PLEC: variants seen among roughly 807,000 people sequenced by gnomAD.
PLEC encodes the protein hemidesmosomal protein 1.
Under a neutral mutation model 392.8 loss-of-function variants are expected in PLEC, and 216 were observed. That is an observed-to-expected ratio of 0.55 (90% confidence interval 0.49 to 0.62). PLEC has a LOEUF of 0.62. PLEC is among the 20% of genes least tolerant of loss of function. The pLI, the probability that PLEC is intolerant of heterozygous loss-of-function variation, is 0.00. For missense variants in PLEC, 6,863 were observed against 6,563.4 expected, an observed-to-expected ratio of 1.05 and a Z score of -1.58; for synonymous variants, 3,621 against 2,980.6, an observed-to-expected ratio of 1.21 and a Z score of -7.00.
chr8:143,925,851 C>A lies in PLEC; in HGVS notation c.4078G>T (p.Glu1360Ter). The A allele has an allele frequency of 6.5e-7, 1 of 1,550,332 alleles. No individual in the cohort carries two copies. The highest frequency in any genetic ancestry group is 1.9e-5 in the Admixed American group (1 of 53,168). The stretch of plus-strand genomic sequence containing the variant: ...GCGGCCTCCACCTCGGCCAGCCGCT[C>A]GCGCTCCTCTGCCCGCTGCTGCTCA... ...LAEQQRAEERERLAEVEAALE... is the reference protein window; with the variant it reads ...LAEQQRAEER The change falls in exon 31 of 32, where the codon GAG becomes TAG. Residue 1360 changes from glutamate (E) to a stop codon, truncating the protein, a stop_gained. Transcript: ENST00000345136. LOFTEE classifies it high-confidence loss of function.
chr8:143,975,391 G>T, upstream of PLEC: 1 of 1,601,128 alleles, frequency 6.2e-7, no homozygotes. This position sits in a 1 kb window ranked among gnomAD's most constrained non-coding sequence, Gnocchi z 9.9. Context: ...AGGGGAGCAG[G>T]AGGGGTCACA....
chr8:143,971,411 C>T (rs1159639991), intron 1 of PLEC, among the ~76,000 whole-genome samples: 2 of 152,136 alleles, frequency 1.3e-5, no homozygotes, highest in South Asian at 2.1e-4. Flanking sequence ...GCTGCCTTGC[C>T]GTCACTGGCT....
At position 143,934,424 on chromosome 8, in the gene PLEC, G is replaced by A. The variant is rs200260527; in HGVS notation, c.1063C>T (p.Leu355Phe). The A allele has an allele frequency of 1.8e-5, 29 of 1,611,500 alleles. No individual in the cohort carries two copies. The African/African-American group carries it at 3.7e-4, about 21-fold the overall frequency. ...GGGTGGTAGCCAGGGGGCACCTTGAGCTGGCCTGCTTGCACCGCTCCCTGT... is the reference window on the plus strand; with the variant it reads ...GGGTGGTAGCCAGGGGGCACCTTGAACTGGCCTGCTTGCACCGCTCCCTGT... Reference protein sequence around the residue: ...SLEGAVQAGQLKVPPGYHPLD... With the variant: ...SLEGAVQAGQFKVPPGYHPLD... The change falls in exon 11 of 32, where the codon CTC becomes TTC. Residue 355 changes from leucine to phenylalanine, a missense_variant. By Grantham distance (22) the Leu-to-Phe change is conservative (BLOSUM62 0). Coordinates refer to ENST00000345136, the MANE Select transcript of PLEC (RefSeq NM_201384.3).
At chr8:143,968,348 G>C (rs1833224430) in intron 1 of PLEC, among the ~76,000 whole-genome samples, 1 of 151,330 alleles carries the variant, frequency 6.6e-6, no homozygotes, top group South Asian at 2.1e-4. Flanking sequence ...CAGCACTGTG[G>C]AGGCTGAGGC....
chr8:143,936,040 A>G lies in PLEC; in HGVS notation c.436-26T>C, dbSNP rs782762422. ...CTGCTCACAGCAGAGAGGAGGCCACAGCTCAGCCACAGCCACCAGGCCTGC... is the reference window on the plus strand; with the variant it reads ...CTGCTCACAGCAGAGAGGAGGCCACGGCTCAGCCACAGCCACCAGGCCTGC... On this transcript the variant is annotated intron_variant, in intron 5 of 31. Transcript: ENST00000345136. 2.9e-5 allele frequency: 46 copies of G among 1,608,674 alleles called. No homozygotes were observed. In the East Asian group the frequency reaches 9.8e-4, roughly 34 times the overall value.
chr8:143,972,779 G>A (rs1180795313), intron 1 of PLEC, among the ~76,000 whole-genome samples: 2 of 152,224 alleles, frequency 1.3e-5, no homozygotes, highest in African/African-American at 4.8e-5. Flanking sequence ...GGGGCTCCCC[G>A]TGGGCGTGGA....
rs781960731 is a variant in PLEC at position 143,927,540 on chromosome 8, A to T, written c.3626T>A (p.Leu1209Gln). The change falls in exon 27 of 32, where the codon CTG becomes CAG. Residue 1209 changes from leucine (L) to glutamine (Q), a missense_variant. Coordinates refer to ENST00000345136, the MANE Select transcript of PLEC (RefSeq NM_201384.3). ...QRELEQLGRQ[L>Q]RYYRESADPL... ...GTCTGCACTCTCGCGGTAGTAACGC[A>T]GCTGGCGGCCCAGTTGCTCGAGCTC... The T allele has an allele frequency of 6.3e-7, 1 of 1,596,854 alleles. No homozygotes were observed. The highest frequency in any genetic ancestry group is 8.5e-7 in the Non-Finnish European group (1 of 1,178,758).
chr8:143,916,151 G>A lies in PLEC; in HGVS notation c.*26C>T. ...CGGTGGGAGCCGGGCTGGGCCGCATGCAGAGCGGGGTGGGCGCAGGCAGCC... is the reference window on the plus strand; with the variant it reads ...CGGTGGGAGCCGGGCTGGGCCGCATACAGAGCGGGGTGGGCGCAGGCAGCC... On this transcript the variant is annotated 3_prime_UTR_variant, in exon 32 of 32. Transcript: ENST00000345136. The A allele has an allele frequency of 6.6e-7, 1 of 1,504,404 alleles. No individual in the cohort carries two copies. The highest frequency in any genetic ancestry group is 8.9e-7 in the Non-Finnish European group (1 of 1,127,372). 93.2% of individuals were successfully genotyped at this position (1,504,404 alleles called of 1,614,324 possible).
chr8:143,946,152 C>G (rs781928384), intron 1 of PLEC, among the ~76,000 whole-genome samples: 7 of 152,220 alleles, frequency 4.6e-5, no homozygotes, highest in Non-Finnish European at 2.9e-5. Context: ...TACCACTCCA[C>G]GGAGGTCCGG....
Position 143,923,583 on chromosome 8 carries a change from G to T in PLEC, c.6346C>A (p.Arg2116=). ...TGCTCCTCTGCCGACTGCTTCAGCC[G>T]CTCGGCCTCTTCCACCTGCCGCCGG... The part of the protein sequence containing the change: ...QSRRQVEEAE[R]LKQSAEEQAQ... The change falls in exon 31 of 32, where the codon CGG becomes AGG. Residue 2116 remains arginine, a synonymous_variant. Coordinates refer to ENST00000345136, the MANE Select transcript of PLEC (RefSeq NM_201384.3). 2 of 1,595,212 alleles carry T rather than the reference G, an allele frequency of 1.3e-6. No individual in the cohort carries two copies. The highest frequency in any genetic ancestry group is 1.7e-6 in the Non-Finnish European group (2 of 1,177,552).
Position 143,962,723 on chromosome 8 carries a change from T to C in PLEC, c.70+10680A>G, listed in dbSNP as rs1423151397. 3.9e-5 allele frequency among the ~76,000 whole-genome samples: 6 copies of C among 152,354 alleles called. No homozygotes were observed. The East Asian group carries it at 9.6e-4, about 24-fold the overall frequency. On this transcript the variant is annotated intron_variant, in intron 1 of 31. Coordinates refer to the PLEC transcript ENST00000356346. Reference sequence around the variant, plus strand: ...CGAAACTTCGCCGAACTGTGTTCACTGTCGGGTGCTCAACAGAACTTGTAA... The same window carrying C: ...CGAAACTTCGCCGAACTGTGTTCACCGTCGGGTGCTCAACAGAACTTGTAA...
At position 143,929,538 on chromosome 8, in the gene PLEC, A is replaced by G. The variant is rs782509449; in HGVS notation, c.2957T>C (p.Ile986Thr). ...CAGCCGGATGTCTTTGAGCTCGGAG[A>G]TGCAGCGCTGGCAGCGAGACTCTTC... ...AQEESRCQRC[I>T]SELKDIRLQL... The change falls in exon 24 of 32, where the codon ATC becomes ACC. Residue 986 changes from isoleucine (I) to threonine (T), a missense_variant. Physicochemically the swap from Ile to Thr is moderately conservative, Grantham distance 89 (BLOSUM62 -1). Coordinates refer to ENST00000345136, the MANE Select transcript of PLEC (RefSeq NM_201384.3). The G allele has an allele frequency of 7.4e-6, 12 of 1,612,464 alleles. No homozygotes were observed. The highest frequency in any genetic ancestry group is 8.5e-6 in the Non-Finnish European group (10 of 1,179,896).
chr8:143,938,518 G>GTTT, intron 2 of PLEC, 113 bp downstream of exon 2: 1 of 1,554,092 alleles, frequency 6.4e-7, no homozygotes, highest in Middle Eastern at 1.7e-4. Flanking sequence ...TTTCAGAGAT[G>GTTT]AAAGGTGAGC....
intron 1 of PLEC, among the ~76,000 whole-genome samples, chr8:143,948,624 G>A (rs550153433): frequency 4.7e-4 from 71 of 152,230 alleles, no homozygotes; most frequent in Non-Finnish European, 8.4e-4. Flanking sequence ...GCTGCTGGCG[G>A]CTGTGGCTTT....
chr8:143,938,675 G>C lies in PLEC; in HGVS notation c.130C>G (p.Gln44Glu). Residue 44 changes from glutamine to glutamate, a missense_variant, in exon 2 of 32, where the codon CAG becomes GAG. Physicochemically the swap from Gln to Glu is conservative, Grantham distance 29 (BLOSUM62 2). Coordinates refer to ENST00000345136, the MANE Select transcript of PLEC (RefSeq NM_201384.3). ...EGKKDERDRV[Q>E]KKTFTKWVNK... is the part of the protein sequence containing the mutation. ...ACCCACTTGGTGAAGGTTTTCTTCT[G>C]CACACGATCCCGCTCATCTGGGGGA... The C allele has an allele frequency of 6.2e-7, 1 of 1,613,776 alleles. No homozygotes were observed. Among genetic ancestry groups the C allele is most frequent in the Non-Finnish European group, 8.5e-7 (1 of 1,179,926 alleles).
exon 1 of PLEC, chr8:143,950,283 G>C: frequency 6.4e-7 from 1 of 1,570,712 alleles, no homozygotes; most frequent in Non-Finnish European, 8.6e-7. Context: ...AGCTCCTTCC[G>C]ACGGTAGACC....
Position 143,924,703 on chromosome 8 carries a change from C to G in PLEC, c.5226G>C (p.Glu1742Asp). 1 of 1,534,566 alleles carries G rather than the reference C, an allele frequency of 6.5e-7. No homozygotes were observed. Among genetic ancestry groups the G allele is most frequent in the Non-Finnish European group, 8.7e-7 (1 of 1,146,154 alleles). ...LEEELARLQR[E>D]AAAATQKRQE... The stretch of plus-strand genomic sequence containing the variant: ...GCCGTTTCTGCGTGGCTGCAGCCGC[C>G]TCACGCTGCAGCCGGGCCAGCTCCT... The change falls in exon 31 of 32, where the codon GAG becomes GAC. Residue 1742 changes from glutamate to aspartate, a missense_variant. Transcript: ENST00000345136.
intron 10 of PLEC, 47 bp from the exon 11 acceptor site, chr8:143,934,492 G>T (rs1554720933): frequency 1.2e-6 from 2 of 1,607,744 alleles, no homozygotes; most frequent in South Asian, 2.2e-5. Context: ...GGGGCAGGGG[G>T]TGGGGCGCTG....
chr8:143,954,000 C>CT, upstream of PLEC: 1 of 1,109,662 alleles, frequency 9.0e-7, no homozygotes, highest in Middle Eastern at 3.2e-4. Flanking sequence ...TTCTGGGGCA[C>CT]GCGACCCCGC....
Sources: allele counts gnomAD v4.1 joint callset (sites outside exome capture counted in the v4.1 genomes callset), GRCh38; gene constraint gnomAD v4.1.1; non-coding constraint Gnocchi (gnomAD v3.1); transcripts MANE v1.5; gene names NCBI Gene and HGNC (gene_info 2026-07-23, HGNC 2026-07-21).